The following IP6K2 variants were observed in gnomAD, a reference collection of about 807,000 sequenced individuals.
IP6K2 encodes inositol hexakisphosphate kinase 2.
A neutral mutation model predicts 43.3 loss-of-function variants in IP6K2; 9 were observed. The observed-to-expected ratio is 0.21, with a 90% CI of 0.13 to 0.36. The LOEUF is 0.36. Among genes scored for constraint, IP6K2 ranks in the 10% least tolerant of loss-of-function variants. The probability of loss-of-function intolerance (pLI) is 1.00; values close to 1 mark genes in which losing one functional copy is unlikely to be tolerated. For missense variants in IP6K2, 332 were observed against 538.4 expected (o/e 0.62, Z 3.79); for synonymous variants, 209 against 202.4 (o/e 1.03, Z -0.28).
chr3:48,696,062 T>C (rs922425867), intron 1 of IP6K2, among the ~76,000 whole-genome samples: 3 of 151,602 alleles, frequency 2.0e-5, no homozygotes, highest in African/African-American at 4.9e-5. Context: ...ATTTTTGTAT[T>C]TTTAGTAGAG....
intron 1 of IP6K2, among the ~76,000 whole-genome samples, chr3:48,698,531 G>A (rs767229424): frequency 7.2e-5 from 11 of 152,074 alleles, no homozygotes; most frequent in Non-Finnish European, 1.0e-4. Flanking sequence ...GTGCAGTGGC[G>A]CGACCTTGGC....
rs777964687 is a variant in IP6K2, at chr3:48,688,537, C to T, written c.1017G>A (p.Glu339=). 1 of 1,614,234 alleles carries T rather than the reference C, an allele frequency of 6.2e-7. No individual in the cohort carries two copies. The highest frequency in any genetic ancestry group is 1.3e-5 in the African/African-American group (1 of 75,056). ...CTGAGTCCAGGACCACTTCGGGCCG[C>T]TCCTTGCCATCATAAATGACCAGCA... The part of the protein sequence containing the change: ...SSLLVIYDGK[E]RPEVVLDSDA... Residue 339 remains glutamate (E), a synonymous_variant, in exon 6 of 6, where the codon GAG becomes GAA. Coordinates refer to ENST00000328631, the MANE Select transcript of IP6K2 (RefSeq NM_016291.4). This position sits in a 1 kb window ranked among gnomAD's most constrained non-coding sequence, Gnocchi z 5.1.
At chr3:48,712,924 A>G (rs892232493) in intron 1 of IP6K2, among the ~76,000 whole-genome samples, 1 of 151,976 alleles carries the variant, frequency 6.6e-6, no homozygotes, top group African/African-American at 2.4e-5. Context: ...GAGGCAAGAC[A>G]ATCGCTTAAA....
rs1206621880 is a variant in IP6K2 at position 48,688,457 on chromosome 3, G to C, written c.1097C>G (p.Ala366Gly). 2 of 1,614,082 alleles carry C rather than the reference G, an allele frequency of 1.2e-6. No individual in the cohort carries two copies. The highest frequency in any genetic ancestry group is 1.7e-6 in the Non-Finnish European group (2 of 1,180,048). ...GGCGCCGATGGGTTTGTAGGCATAG[G>C]CACCAGCAGACTCATCAGCTGATTC... ...SEESADESAG[A>G]YAYKPIGASS... The change falls in exon 6 of 6, where the codon GCC (alanine) becomes GGC (glycine). Residue 366 changes from alanine to glycine, a missense_variant. Coordinates refer to ENST00000328631, the MANE Select transcript of IP6K2 (RefSeq NM_016291.4). The surrounding 1 kb of genome is among the most constrained non-coding windows in gnomAD (Gnocchi z 5.1).
chr3:48,691,803 A>AAAATAAAT (rs34837885), intron 3 of IP6K2, among the ~76,000 whole-genome samples: 2,491 of 150,510 alleles, frequency 0.017, 39 homozygotes, highest in Non-Finnish European at 0.021. Context: ...AAAGACTCAA[A>AAAATAAAT]AAATAAATAA....
chr3:48,700,818 A>AG (rs1365547360), intron 1 of IP6K2, among the ~76,000 whole-genome samples: 1 of 152,134 alleles, frequency 6.6e-6, no homozygotes, highest in Non-Finnish European at 1.5e-5. Flanking sequence ...GCAGTCACAG[A>AG]GGGGTGGCAT....
chr3:48,716,784 A>T (rs1264799193), intron 1 of IP6K2, among the ~76,000 whole-genome samples: 1 of 152,092 alleles, frequency 6.6e-6, no homozygotes, highest in African/African-American at 2.4e-5. Flanking sequence ...GTGGCCGCCA[A>T]TGACCTGGGG....
At chr3:48,712,849 A>T (rs1339789507) in intron 1 of IP6K2, among the ~76,000 whole-genome samples, 1 of 151,920 alleles carries the variant, frequency 6.6e-6, no homozygotes, top group Non-Finnish European at 1.5e-5. Context: ...AAAACCCATC[A>T]CTACAAAAAT....
intron 1 of IP6K2, among the ~76,000 whole-genome samples, chr3:48,714,558 A>G (rs918296755): frequency 8.6e-5 from 13 of 151,964 alleles, no homozygotes; most frequent in Non-Finnish European, 1.2e-4. Flanking sequence ...GAGGCTGGCT[A>G]GTTTTTGTAT....
At chr3:48,696,210 T>C (rs1258497911) in intron 1 of IP6K2, among the ~76,000 whole-genome samples, 1 of 152,078 alleles carries the variant, frequency 6.6e-6, no homozygotes, top group Non-Finnish European at 1.5e-5. Flanking sequence ...ATAAAATGCA[T>C]TTAAATACAG....
At chr3:48,713,089 T>C (rs2080751481) in intron 1 of IP6K2, among the ~76,000 whole-genome samples, 1 of 152,124 alleles carries the variant, frequency 6.6e-6, no homozygotes, top group Non-Finnish European at 1.5e-5. Flanking sequence ...GGCAGGTGAG[T>C]AGTTATACCA....
intron 1 of IP6K2, among the ~76,000 whole-genome samples, chr3:48,706,293 CA>C (rs1030825982): frequency 6.6e-6 from 1 of 151,600 alleles, no homozygotes; most frequent in Non-Finnish European, 1.5e-5. Context: ...CCTATCTCTA[CA>C]AAAAAATTAG....
intron 1 of IP6K2, among the ~76,000 whole-genome samples, chr3:48,702,082 T>C (rs1457089802): frequency 6.6e-6 from 1 of 151,872 alleles, no homozygotes. Context: ...TTTTAAAAAA[T>C]GAGCTGGACA....
chr3:48,714,581 C>T (rs190446683), intron 1 of IP6K2, among the ~76,000 whole-genome samples: 4 of 152,162 alleles, frequency 2.6e-5, no homozygotes, highest in Admixed American at 6.5e-5. Context: ...TTAGTAGAGA[C>T]GGGGTTTCAC....
At chr3:48,704,362 GAATGA>G (rs1399835216) in intron 1 of IP6K2, among the ~76,000 whole-genome samples, 1 of 150,770 alleles carries the variant, frequency 6.6e-6, no homozygotes, top group African/African-American at 2.5e-5. Context: ...AATAGGAGAT[GAATGA>G]AACAAAAATA....
At chr3:48,694,992 G>A (rs1239513096) in intron 2 of IP6K2, 98 bp downstream of exon 2, 1 of 1,608,778 alleles carries the variant, frequency 6.2e-7, no homozygotes, top group Non-Finnish European at 8.5e-7. Context: ...GAGTGGGAGG[G>A]AGTGAGGGCT....
rs2077598996 is a variant in IP6K2 at position 48,689,658 on chromosome 3, G to A, written c.660C>T (p.Asp220=). ...CATGTTGTCGTGTGCCCATCTTGAG[G>A]TCAAGGACACAAGGCACCTCGTAGC... is the stretch of plus-strand genomic sequence containing the variant. ...TSRYEVPCVL[D]LKMGTRQHGD... is the part of the protein sequence containing the mutation. Residue 220 remains aspartate (D), a synonymous_variant, in exon 5 of 6, where the codon GAC becomes GAT. Coordinates refer to ENST00000328631, the MANE Select transcript of IP6K2 (RefSeq NM_016291.4). The A allele has an allele frequency of 6.2e-7, 1 of 1,614,052 alleles. No homozygotes were observed. The highest frequency in any genetic ancestry group is 8.5e-7 in the Non-Finnish European group (1 of 1,180,040).
In IP6K2 at chr3:48,695,379, C is replaced by A; in HGVS notation, c.-88G>T. The stretch of plus-strand genomic sequence containing the variant: ...CTGTCTGTTGTTTGTCCGTGTGTCC[C>A]TCTCGTCTTGGCTCCTTGGCTTGTT... On this transcript the variant is annotated 5_prime_UTR_variant, in exon 2 of 6. In the 5' UTR this introduces an upstream ATG that the reference lacks. Coordinates refer to ENST00000328631, the MANE Select transcript of IP6K2 (RefSeq NM_016291.4). This position sits in a 1 kb window ranked among gnomAD's most constrained non-coding sequence, Gnocchi z 4.6. 6.8e-7 allele frequency: 1 copy of A among 1,474,768 alleles called. No homozygotes were observed. 91.4% of individuals were successfully genotyped at this position (1,474,768 alleles called of 1,614,324 possible). A position where few individuals can be genotyped will look rare whatever the true frequency, so the allele number is the denominator to read the frequency against.
intron 1 of IP6K2, chr3:48,708,139 G>A (rs1315181055): frequency 1.3e-5 from 2 of 152,062 alleles, no homozygotes; most frequent in East Asian, 3.8e-4. Flanking sequence ...CAGCTACTTG[G>A]GAGGCTGAGA....
Sources: allele counts gnomAD v4.1 joint callset (sites outside exome capture counted in the v4.1 genomes callset), GRCh38; gene constraint gnomAD v4.1.1; non-coding constraint Gnocchi (gnomAD v3.1); transcripts MANE v1.5; gene names NCBI Gene and HGNC (gene_info 2026-07-23, HGNC 2026-07-21).